MTG1: variants seen among roughly 807,000 people sequenced by gnomAD.
MTG1 encodes mitochondrial ribosome-associated GTPase 1.
In MTG1, 30 loss-of-function variants were observed where a neutral mutation model predicts 39.5. That is an observed-to-expected ratio of 0.76 (90% CI 0.57 to 1.03). The LOEUF (loss-of-function observed/expected upper bound fraction) is 1.03. MTG1 is among the 50% of genes least tolerant of loss of function. The pLI is 0.00. For missense variants in MTG1, 513 were observed against 447.4 expected (o/e 1.15, Z -1.32); for synonymous variants, 217 against 179.0 (o/e 1.21, Z -1.69).
intron 9 of MTG1, among the ~76,000 whole-genome samples, chr10:133,411,674 A>T (rs1477614405): frequency 1.3e-5 from 2 of 151,768 alleles, no homozygotes; most frequent in African/African-American, 4.8e-5. Flanking sequence ...ATATGTTTTC[A>T]AATAGCCAGT....
chr10:133,410,367 C>T, intron 9 of MTG1, among the ~76,000 whole-genome samples: 1 of 152,100 alleles, frequency 6.6e-6, no homozygotes, highest in East Asian at 1.9e-4. Context: ...TACTCTATGT[C>T]TTTTAGTTGG....
At chr10:133,415,814 C>T (rs1850115762) in intron 9 of MTG1, among the ~76,000 whole-genome samples, 1 of 152,178 alleles carries the variant, frequency 6.6e-6, no homozygotes, top group African/African-American at 2.4e-5. Flanking sequence ...CTCTACTCCT[C>T]AGGACCTCAG....
At chr10:133,399,428 G>A in intron 5 of MTG1, 101 bp from the exon 6 acceptor site, 1 of 1,304,834 alleles carries the variant, frequency 7.7e-7, no homozygotes, top group Non-Finnish European at 1.1e-6. Context: ...CTTCTTCCCT[G>A]AGCTGACCTG....
chr10:133,394,279 TC>T lies in MTG1; in HGVS notation c.64del (p.Leu22CysfsTer18), dbSNP rs1250097004. On this transcript the variant is annotated frameshift_variant, in exon 1 of 11. Coordinates refer to ENST00000317502, the MANE Select transcript of MTG1 (RefSeq NM_138384.4). LOFTEE classifies it high-confidence loss of function. ...SAAQAAWREN[F>X]PLCGRDVARW... Reference sequence around the variant, plus strand: ...GCCCAGGCCGCCTGGCGGGAGAACTTCCCCCTGTGCGGTCGCGACGTGGCGC... The same window carrying T: ...GCCCAGGCCGCCTGGCGGGAGAACTTCCCCTGTGCGGTCGCGACGTGGCGC... 1.3e-6 allele frequency: 2 copies of T among 1,516,850 alleles called. No homozygotes were observed. The highest frequency in any genetic ancestry group is 2.0e-5 in the Admixed American group (1 of 48,984). The allele number at this position is 1,516,850 out of a possible 1,614,324, so 94.0% of individuals were successfully genotyped here.
At chr10:133,412,915 G>C (rs1279452239) in intron 9 of MTG1, among the ~76,000 whole-genome samples, 1 of 152,120 alleles carries the variant, frequency 6.6e-6, no homozygotes, top group African/African-American at 2.4e-5. Flanking sequence ...CACTGTAACT[G>C]AATTTCTGTT....
chr10:133,395,246 T>G (rs1033211926), intron 1 of MTG1, among the ~76,000 whole-genome samples: 4 of 151,992 alleles, frequency 2.6e-5, no homozygotes, highest in East Asian at 1.9e-4. Flanking sequence ...ATACAAAAAA[T>G]TAGCCCGGCA....
At chr10:133,417,878 T>A (rs940891304) in intron 9 of MTG1, among the ~76,000 whole-genome samples, 3 of 152,176 alleles carry the variant, frequency 2.0e-5, no homozygotes, top group Non-Finnish European at 4.4e-5. Context: ...TAAAAGAGAA[T>A]ACAAACAAAT....
At position 133,396,116 on chromosome 10, in the gene MTG1, G is replaced by T. The variant is rs752600517; in HGVS notation, c.178-47G>T. 1.9e-6 allele frequency: 3 copies of T among 1,561,430 alleles called. No homozygotes were observed. In the African/African-American group the frequency reaches 4.1e-5, roughly 21 times the overall value. Reference sequence around the variant, plus strand: ...TTCACTGATGGCAAGAAAAAAAGTTGGTTGGCTGGTAAAGCTTTGGAGGAA... The same window carrying T: ...TTCACTGATGGCAAGAAAAAAAGTTTGTTGGCTGGTAAAGCTTTGGAGGAA... On this transcript the variant is annotated intron_variant, in intron 2 of 10. Coordinates refer to ENST00000317502, the MANE Select transcript of MTG1 (RefSeq NM_138384.4).
chr10:133,403,560 C>A (rs1349205319), intron 9 of MTG1, among the ~76,000 whole-genome samples: 1 of 152,194 alleles, frequency 6.6e-6, no homozygotes, highest in East Asian at 1.9e-4. Flanking sequence ...ATCTGTCACT[C>A]GGCACGATTG....
At chr10:133,399,124 C>G (rs369124932) in intron 4 of MTG1, 46 bp from the exon 5 acceptor site, 7 of 1,611,530 alleles carry the variant, frequency 4.3e-6, no homozygotes, top group Non-Finnish European at 5.9e-6. Flanking sequence ...GGTCAGTGCA[C>G]AGACGTCCGA....
intron 9 of MTG1, among the ~76,000 whole-genome samples, chr10:133,405,790 T>G (rs997174938): frequency 3.3e-5 from 5 of 152,250 alleles, no homozygotes; most frequent in African/African-American, 1.2e-4. Context: ...AGTGCTGCCG[T>G]GAGCATGGGA....
At chr10:133,409,269 T>C (rs11498459) in intron 9 of MTG1, among the ~76,000 whole-genome samples, 6,985 of 152,280 alleles carry the variant, frequency 0.046, 294 homozygotes, top group African/African-American at 0.11. Flanking sequence ...AAATTTAAAA[T>C]TTTTCTTATT....
At chr10:133,419,639 C>T (rs113268063) in intron 10 of MTG1, 47 bp downstream of exon 10, 27 of 1,479,910 alleles carry the variant, frequency 1.8e-5, no homozygotes, top group African/African-American at 1.2e-4. Context: ...CCCCATCACC[C>T]TGGGGGACCC....
intron 9 of MTG1, among the ~76,000 whole-genome samples, chr10:133,410,448 T>C (rs1240592390): frequency 6.6e-6 from 1 of 152,236 alleles, no homozygotes; most frequent in Admixed American, 6.5e-5. Flanking sequence ...TTGCTTGTTT[T>C]CTGATTGTAA....
At chr10:133,418,138 G>A (rs1850163282) in intron 9 of MTG1, among the ~76,000 whole-genome samples, 1 of 152,186 alleles carries the variant, frequency 6.6e-6, no homozygotes, top group Non-Finnish European at 1.5e-5. Context: ...CAAGTAGCTG[G>A]GATTACAAGC....
chr10:133,406,665 CTTT>C (rs34249527), intron 9 of MTG1, among the ~76,000 whole-genome samples: 2 of 122,948 alleles, frequency 1.6e-5, no homozygotes, highest in African/African-American at 3.0e-5. Context: ...AGATTTAAGT[CTTT>C]TTTTTTTTTT....
chr10:133,419,920 C>A, intron 10 of MTG1, 106 bp from the exon 11 acceptor site: 1 of 1,338,134 alleles, frequency 7.5e-7, no homozygotes, highest in South Asian at 1.4e-5. Flanking sequence ...CCTGGGCTTC[C>A]CTGATGCCAT....
At chr10:133,394,637 T>G in intron 1 of MTG1, 1 of 1,230,316 alleles carries the variant, frequency 8.1e-7, no homozygotes, top group Non-Finnish European at 1.0e-6. Flanking sequence ...AGCAAGTTCC[T>G]TCTGCCCTTT....
intron 3 of MTG1, 97 bp downstream of exon 3, chr10:133,396,364 T>C: frequency 9.3e-7 from 1 of 1,080,540 alleles, no homozygotes. Context: ...CACTTGTCAG[T>C]TTGCCCAGGC....
Sources: allele counts gnomAD v4.1 joint callset (sites outside exome capture counted in the v4.1 genomes callset), GRCh38; gene constraint gnomAD v4.1.1; transcripts MANE v1.5; gene names NCBI Gene and HGNC (gene_info 2026-07-23, HGNC 2026-07-21).